KYNU: variants seen among roughly 807,000 people sequenced by gnomAD.
The protein encoded by KYNU is kynureninase.
A neutral mutation model predicts 59.2 loss-of-function variants in KYNU; 54 were observed. The ratio of observed to expected loss-of-function variants is 0.91; its 90% CI spans 0.73 to 1.14. KYNU has a LOEUF of 1.14. Among genes scored for constraint, KYNU ranks in the 50% most tolerant of loss-of-function variants. The probability of loss-of-function intolerance (pLI) is 0.00; values close to 1 mark genes in which losing one functional copy is unlikely to be tolerated. For synonymous variants in KYNU, 177 were observed against 192.0 expected (o/e 0.92, Z 0.65); for missense variants, 567 against 554.4 (o/e 1.02, Z -0.23).
chr2:142,955,904 A>G (rs1189495264), intron 5 of KYNU, among the ~76,000 whole-genome samples: 1 of 152,122 alleles, frequency 6.6e-6, no homozygotes, highest in Non-Finnish European at 1.5e-5. Context: ...GTTGTTAATC[A>G]TCAGACTTTA....
At chr2:142,903,879 A>G (rs1682193964) in intron 2 of KYNU, among the ~76,000 whole-genome samples, 1 of 152,186 alleles carries the variant, frequency 6.6e-6, no homozygotes, top group Admixed American at 6.5e-5. Flanking sequence ...AAGCCCTATT[A>G]GGCATTCAAT....
rs377614361 is a variant in KYNU at position 142,954,770 on chromosome 2, A to G, written c.374-40A>G. The stretch of plus-strand genomic sequence containing the variant: ...CTTTGTTTTTTCAGTATCTTTAGAC[A>G]TAGTACAAACATCTAAATTACGATA... On this transcript the variant is annotated intron_variant, in intron 4 of 13. Coordinates refer to ENST00000264170, the MANE Select transcript of KYNU (RefSeq NM_003937.3). The G allele has an allele frequency of 7.6e-6, 10 of 1,311,296 alleles. No individual in the cohort carries two copies. The South Asian group carries it at 1.2e-4, about 15-fold the overall frequency. The allele number at this position is 1,311,296 out of a possible 1,614,324, so 81.2% of individuals were successfully genotyped here.
intron 2 of KYNU, among the ~76,000 whole-genome samples, chr2:142,901,195 T>A (rs1682071900): frequency 6.6e-6 from 1 of 152,168 alleles, no homozygotes; most frequent in Non-Finnish European, 1.5e-5. Flanking sequence ...GATTTGGCCA[T>A]CTGATGGGTG....
intron 8 of KYNU, among the ~76,000 whole-genome samples, chr2:142,977,938 G>A (rs997302382): frequency 1.8e-4 from 28 of 152,100 alleles, no homozygotes; most frequent in African/African-American, 6.0e-4. Context: ...GATAGTGGAG[G>A]CCCCTCTTAT....
At chr2:142,959,586 C>CA (rs1451436427) in intron 7 of KYNU, among the ~76,000 whole-genome samples, 1,633 of 118,728 alleles carry the variant, frequency 0.014, 12 homozygotes, top group Non-Finnish European at 0.02. Context: ...AGCTCCGTCT[C>CA]AAAAAAAAAA....
intron 10 of KYNU, among the ~76,000 whole-genome samples, chr2:143,002,353 TTC>T (rs1685728488): frequency 6.6e-6 from 1 of 152,240 alleles, no homozygotes; most frequent in Admixed American, 6.5e-5. Flanking sequence ...ACGGAATCAG[TTC>T]TGAGTTCTTT....
intron 10 of KYNU, among the ~76,000 whole-genome samples, chr2:143,024,206 T>TC (rs1437777791): frequency 2.6e-5 from 4 of 151,976 alleles, no homozygotes; most frequent in African/African-American, 9.6e-5. Context: ...ACCTGATCTA[T>TC]CATGTTTAAA....
At chr2:142,898,256 C>CT (rs1027916140) in intron 2 of KYNU, among the ~76,000 whole-genome samples, 108 of 147,310 alleles carry the variant, frequency 7.3e-4, no homozygotes, top group South Asian at 1.3e-3. Context: ...TTTTCTTTTT[C>CT]TTTTTTTTTT....
chr2:142,953,031 A>C (rs1305348530), intron 4 of KYNU, among the ~76,000 whole-genome samples: 1 of 152,176 alleles, frequency 6.6e-6, no homozygotes, highest in Admixed American at 6.5e-5. Context: ...TAGCAGTAAA[A>C]ATTCACTCTA....
At position 143,053,652 on chromosome 2, in the gene KYNU, A is replaced by C. The variant is rs938619691; in HGVS notation, c.*11480A>C. ...TTATAAAGGGGAGTTTCCCTGCCCAAGTTCTTCTCTTGTCTGCCATCATGT... is the reference window on the plus strand; with the variant it reads ...TTATAAAGGGGAGTTTCCCTGCCCACGTTCTTCTCTTGTCTGCCATCATGT... On this transcript the variant is annotated 3_prime_UTR_variant, in exon 14 of 14. Coordinates refer to ENST00000264170, the MANE Select transcript of KYNU (RefSeq NM_003937.3). The C allele has an allele frequency of 6.6e-6, 1 of 152,380 alleles. No homozygotes were observed. Among genetic ancestry groups the C allele is most frequent in the Non-Finnish European group, 1.5e-5 (1 of 68,236 alleles). The allele number at this position is 152,380 out of a possible 1,614,324, so 9.4% of individuals were successfully genotyped here.
At chr2:142,924,598 C>T (rs557495769) in intron 3 of KYNU, among the ~76,000 whole-genome samples, 1 of 152,148 alleles carries the variant, frequency 6.6e-6, no homozygotes, top group East Asian at 1.9e-4. Flanking sequence ...TATTAACTTC[C>T]TAATTTTACA....
At chr2:142,968,516 A>G (rs1247546554) in intron 8 of KYNU, among the ~76,000 whole-genome samples, 2 of 152,232 alleles carry the variant, frequency 1.3e-5, no homozygotes, top group African/African-American at 2.4e-5. Flanking sequence ...CCATATTTAT[A>G]TTAATTTTAC....
rs1687311836 is a variant in KYNU at position 143,054,020 on chromosome 2, A to G, written c.*11848A>G. The G allele has an allele frequency of 6.6e-6, 1 of 152,182 alleles. No individual in the cohort carries two copies. Among genetic ancestry groups the G allele is most frequent in the Non-Finnish European group, 1.5e-5 (1 of 68,032 alleles). The allele number at this position is 152,182 out of a possible 1,614,324, so 9.4% of individuals were successfully genotyped here. Reference sequence around the variant, plus strand: ...TGCTTGCTGGTGAGGAGAAATCCCTATACACATTTTGGTGACCAGAGGTAA... The same window carrying G: ...TGCTTGCTGGTGAGGAGAAATCCCTGTACACATTTTGGTGACCAGAGGTAA... On this transcript the variant is annotated 3_prime_UTR_variant, in exon 14 of 14. Coordinates refer to ENST00000264170, the MANE Select transcript of KYNU (RefSeq NM_003937.3).
chr2:142,884,375 G>A (rs1234660256), intron 1 of KYNU, among the ~76,000 whole-genome samples: 1 of 152,178 alleles, frequency 6.6e-6, no homozygotes, highest in Admixed American at 6.5e-5. Context: ...TATGTCCATA[G>A]TTTTAAAACC....
At chr2:143,041,105 CA>C (rs1334640720) in intron 13 of KYNU, among the ~76,000 whole-genome samples, 1 of 151,860 alleles carries the variant, frequency 6.6e-6, no homozygotes, top group Admixed American at 6.6e-5. Flanking sequence ...TCACTTCTGT[CA>C]AAAAAGATAT....
intron 4 of KYNU, among the ~76,000 whole-genome samples, chr2:142,945,177 T>G (rs1429706442): frequency 2.6e-5 from 4 of 152,240 alleles, no homozygotes; most frequent in Non-Finnish European, 5.9e-5. Flanking sequence ...AATTGAGTCT[T>G]CCTTTCATGG....
At chr2:142,970,906 A>G (rs1684700638) in intron 8 of KYNU, among the ~76,000 whole-genome samples, 1 of 151,806 alleles carries the variant, frequency 6.6e-6, no homozygotes, top group African/African-American at 2.4e-5. Flanking sequence ...CTTCCTTTTT[A>G]GCTTTCCCTC....
At chr2:143,014,441 G>T (rs1323428277) in intron 10 of KYNU, among the ~76,000 whole-genome samples, 1 of 152,148 alleles carries the variant, frequency 6.6e-6, no homozygotes, top group Non-Finnish European at 1.5e-5. Flanking sequence ...TCTTTTATAT[G>T]TGCTGTTTCT....
intron 2 of KYNU, among the ~76,000 whole-genome samples, chr2:142,903,058 G>T (rs1469433564): frequency 6.6e-6 from 1 of 152,136 alleles, no homozygotes; most frequent in East Asian, 1.9e-4. Flanking sequence ...CAGCCTCACT[G>T]ATAATCCTGA....
Sources: allele counts gnomAD v4.1 joint callset (sites outside exome capture counted in the v4.1 genomes callset), GRCh38; gene constraint gnomAD v4.1.1; transcripts MANE v1.5; gene names NCBI Gene and HGNC (gene_info 2026-07-23, HGNC 2026-07-21).